SPOPL: variants seen among roughly 807,000 people sequenced by gnomAD.
SPOPL encodes the protein speckle-type POZ protein-like.
In SPOPL, 23 loss-of-function variants were observed where a neutral mutation model predicts 53.8. The observed-to-expected ratio is 0.43, with a 90% confidence interval of 0.31 to 0.61. SPOPL has a LOEUF of 0.61. Ranked by LOEUF, SPOPL falls within the 20% of genes least tolerant of loss-of-function variation. The pLI is 0.12. For synonymous variants in SPOPL, 164 were observed against 149.7 expected, an observed-to-expected ratio of 1.10 and a Z score of -0.70; for missense variants, 442 against 466.9, an observed-to-expected ratio of 0.95 and a Z score of 0.49.
At chr2:138,548,931 C>G (rs188937786) in intron 1 of SPOPL, among the ~76,000 whole-genome samples, 1 of 152,070 alleles carries the variant, frequency 6.6e-6, no homozygotes, top group African/African-American at 2.4e-5. Context: ...TGTTTCTGCT[C>G]CTGTTTCTAC....
intron 1 of SPOPL, among the ~76,000 whole-genome samples, chr2:138,539,640 C>G (rs147505075): frequency 6.6e-6 from 1 of 151,950 alleles, no homozygotes; most frequent in Non-Finnish European, 1.5e-5. Context: ...TTTGTAGATT[C>G]TGAATATTAG....
intron 1 of SPOPL, among the ~76,000 whole-genome samples, chr2:138,535,555 C>CTTTTTTTTTTTTTT (rs539254466): frequency 1.2e-5 from 1 of 86,950 alleles, no homozygotes; most frequent in African/African-American, 4.7e-5. Flanking sequence ...ATTCTAGTAG[C>CTTTTTTTTTTTTTT]TTTTTTTTTT....
chr2:138,537,218 G>A (rs1285906011), intron 1 of SPOPL, among the ~76,000 whole-genome samples: 3 of 152,108 alleles, frequency 2.0e-5, no homozygotes, highest in East Asian at 1.9e-4. Flanking sequence ...GACTTTATTC[G>A]GCTGGGAGCA....
chr2:138,528,643 A>G (rs1684730190), intron 1 of SPOPL, among the ~76,000 whole-genome samples: 1 of 152,240 alleles, frequency 6.6e-6, no homozygotes, highest in African/African-American at 2.4e-5. Flanking sequence ...TCTAGAAATC[A>G]GAAAATTACT....
At chr2:138,540,045 C>T (rs910977840) in intron 1 of SPOPL, among the ~76,000 whole-genome samples, 13 of 152,296 alleles carry the variant, frequency 8.5e-5, no homozygotes, top group African/African-American at 3.1e-4. Flanking sequence ...TGTCAAAGAT[C>T]AGATGGTTGT....
rs77370841 is a variant in SPOPL, at chr2:138,521,564, T to G, written c.-61+19445T>G. ...TAGTTTAATTTTTAGTTGTTTTTTT[T>G]GTGTGTGTGGGAGAACCCTGGCAGT... On this transcript the variant is annotated intron_variant, in intron 1 of 10. Transcript: ENST00000280098. Among the ~76,000 whole-genome samples the G allele has an allele frequency of 2.6e-5, 4 of 152,204 alleles. No homozygotes were observed. The South Asian group carries it at 8.3e-4, about 32-fold the overall frequency.
intron 1 of SPOPL, among the ~76,000 whole-genome samples, chr2:138,541,976 G>A (rs1421359016): frequency 1.3e-5 from 2 of 152,036 alleles, no homozygotes; most frequent in Non-Finnish European, 2.9e-5. Flanking sequence ...CCTTATTTCT[G>A]CCTTCATTTC....
intron 3 of SPOPL, 70 bp downstream of exon 3, chr2:138,550,674 G>A (rs1035427740): frequency 3.9e-6 from 6 of 1,536,910 alleles, no homozygotes; most frequent in Non-Finnish European, 5.3e-6. Flanking sequence ...TCATGATTTT[G>A]TTATCATTTT....
chr2:138,543,445 T>C (rs1041889144), intron 1 of SPOPL, among the ~76,000 whole-genome samples: 20 of 152,208 alleles, frequency 1.3e-4, no homozygotes, highest in Non-Finnish European at 2.1e-4. Context: ...TTTTTATTCT[T>C]TTTTCTCTAA....
At chr2:138,546,632 G>T (rs1573897181) in intron 1 of SPOPL, among the ~76,000 whole-genome samples, 3 of 152,302 alleles carry the variant, frequency 2.0e-5, no homozygotes, top group Admixed American at 2.0e-4. Flanking sequence ...GGTAAGGCCT[G>T]TTTAAGTTTT....
chr2:138,542,863 G>T (rs1277673068), intron 1 of SPOPL, among the ~76,000 whole-genome samples: 1 of 152,214 alleles, frequency 6.6e-6, no homozygotes, highest in Non-Finnish European at 1.5e-5. Context: ...TGTTTGTGCA[G>T]TGGCTGGTAC....
At chr2:138,536,364 A>ACG (rs1684936433) in intron 1 of SPOPL, among the ~76,000 whole-genome samples, 1 of 150,590 alleles carries the variant, frequency 6.6e-6, no homozygotes, top group Admixed American at 6.6e-5. Flanking sequence ...ACACACACGC[A>ACG]CACAGTGTTA....
At position 138,572,650 on chromosome 2, in the gene SPOPL, C is replaced by T. The variant is rs886287457; in HGVS notation, c.*3570C>T. 4 of 152,628 alleles carry T rather than the reference C, an allele frequency of 2.6e-5. No homozygotes were observed. Among genetic ancestry groups the T allele is most frequent in the Non-Finnish European group, 5.9e-5 (4 of 67,978 alleles). 9.5% of individuals were successfully genotyped at this position (152,628 alleles called of 1,614,324 possible). A position where few individuals can be genotyped will look rare whatever the true frequency, so the allele number is the denominator to read the frequency against. ...AAGAAGGTGGGTGGGTGAGTGGGTT[C>T]GTTTTAGTGTTCTCAGATTATAAAG... On this transcript the variant is annotated 3_prime_UTR_variant, in exon 11 of 11. Transcript: ENST00000280098.
rs1354250309 is a variant in SPOPL, at chr2:138,559,149, G to A, written c.608G>A (p.Ser203Asn). Residue 203 changes from serine to asparagine, a missense_variant, in exon 6 of 11, where the codon AGT becomes AAT. Physicochemically the swap from Ser to Asn is conservative, Grantham distance 46. Transcript: ENST00000280098. Reference sequence around the variant, plus strand: ...GAAAACACAAGATTTACAGACTGCAGTTTTTTCGTGAGAGGACAAGAATTT... The same window carrying A: ...GAAAACACAAGATTTACAGACTGCAATTTTTTCGTGAGAGGACAAGAATTT... ...LWENTRFTDC[S>N]FFVRGQEFKA... 6.2e-7 allele frequency: 1 copy of A among 1,613,748 alleles called. No individual in the cohort carries two copies. Among genetic ancestry groups the A allele is most frequent in the African/African-American group, 1.3e-5 (1 of 75,032 alleles).
intron 1 of SPOPL, among the ~76,000 whole-genome samples, chr2:138,521,484 C>T (rs558920869): frequency 7.1e-4 from 108 of 151,188 alleles, no homozygotes; most frequent in African/African-American, 2.6e-3. Context: ...TACATTAAAG[C>T]AACAGAAATG....
Position 138,564,691 on chromosome 2 carries a change from G to A in SPOPL, c.838-17G>A. 1 of 1,613,182 alleles carries A rather than the reference G, an allele frequency of 6.2e-7. No homozygotes were observed. The highest frequency in any genetic ancestry group is 8.5e-7 in the Non-Finnish European group (1 of 1,179,624). On this transcript the variant is annotated splice_polypyrimidine_tract_variant and intron_variant, in intron 8 of 10. Transcript: ENST00000280098. ...GTTGGAGTAAATGTTTAATGGTTAT[G>A]TTTTCATTTTGGATAGTATGCACTG...
chr2:138,562,444 G>A (rs1685569389), intron 8 of SPOPL, among the ~76,000 whole-genome samples: 1 of 152,104 alleles, frequency 6.6e-6, no homozygotes, highest in Admixed American at 6.5e-5. Context: ...TAAACAAGTG[G>A]TGCAGGAGCA....
intron 1 of SPOPL, among the ~76,000 whole-genome samples, chr2:138,506,071 G>A (rs190659326): frequency 3.9e-5 from 6 of 152,248 alleles, no homozygotes; most frequent in Admixed American, 3.3e-4. Context: ...AGAGCAATAG[G>A]AAGCCACCAG....
intron 1 of SPOPL, among the ~76,000 whole-genome samples, chr2:138,511,862 C>T (rs892773358): frequency 5.9e-5 from 9 of 152,144 alleles, no homozygotes; most frequent in African/African-American, 2.2e-4. Flanking sequence ...TAGGAGCATA[C>T]AGCCACCCTG....
Sources: allele counts gnomAD v4.1 joint callset (sites outside exome capture counted in the v4.1 genomes callset), GRCh38; gene constraint gnomAD v4.1.1; transcripts MANE v1.5; gene names NCBI Gene and HGNC (gene_info 2026-07-23, HGNC 2026-07-21).